COL12A1: variants seen among roughly 807,000 people sequenced by gnomAD.
COL12A1 encodes collagen type XII alpha 1 chain.
COL12A1 carries 114 observed loss-of-function variants against 349.7 expected under a neutral mutation model. That is an observed-to-expected ratio of 0.33 (90% CI 0.28 to 0.38). The LOEUF is 0.38. Ranked by LOEUF, COL12A1 falls within the 10% of genes least tolerant of loss-of-function variation. The pLI is 1.00. For missense variants in COL12A1, 3,284 were observed against 3,756.9 expected, an observed-to-expected ratio of 0.87 and a Z score of 3.29; for synonymous variants, 1,369 against 1,329.0, an observed-to-expected ratio of 1.03 and a Z score of -0.66.
chr6:75,141,286 A>G (rs1222511469), intron 27 of COL12A1, among the ~76,000 whole-genome samples: 1 of 152,198 alleles, frequency 6.6e-6, no homozygotes, highest in African/African-American at 2.4e-5. Context: ...CACAAAGTTG[A>G]GCAAAATGTC....
At chr6:75,125,679 G>A (rs946760631) in intron 39 of COL12A1, among the ~76,000 whole-genome samples, 14 of 152,002 alleles carry the variant, frequency 9.2e-5, no homozygotes, top group African/African-American at 3.4e-4. Flanking sequence ...TACTTTGGCT[G>A]CTAAACTCCT....
chr6:75,124,088 C>T lies in COL12A1; in HGVS notation c.6731G>A (p.Arg2244Lys), dbSNP rs2149373808. 6.2e-7 allele frequency: 1 copy of T among 1,612,630 alleles called. No individual in the cohort carries two copies. Among genetic ancestry groups the T allele is most frequent in the Non-Finnish European group, 8.5e-7 (1 of 1,179,000 alleles). The change falls in exon 42 of 66, where the codon AGG (arginine) becomes AAG (lysine). Residue 2244 changes from arginine to lysine, a missense_variant. Arg to Lys is a conservative substitution (Grantham distance 26). Coordinates refer to ENST00000322507, the MANE Select transcript of COL12A1 (RefSeq NM_004370.6). ...TCCACGCACTGTAATTTCTTGTCCCCTTGTTCCTGATTATGACAACAAAGG... is the reference window on the plus strand; with the variant it reads ...TCCACGCACTGTAATTTCTTGTCCCTTTGTTCCTGATTATGACAACAAAGG... ...RLKLSPADGT[R>K]GQEITVRGSE... is the part of the protein sequence containing the mutation.
In COL12A1 at chr6:75,121,333, C is replaced by G. The variant is rs1765716872; in HGVS notation, c.7055G>C (p.Gly2352Ala). ...VVKFIFNTVG[G>A]FDEISPAGIQ... ...CCCAGCAGGACTGATTTCATCAAAGCCTCCCACAGTATTGAAGATGAATTT... is the reference window on the plus strand; with the variant it reads ...CCCAGCAGGACTGATTTCATCAAAGGCTCCCACAGTATTGAAGATGAATTT... The change falls in exon 44 of 66, where the codon GGC becomes GCC. Residue 2352 changes from glycine to alanine, a missense_variant. Gly to Ala is a moderately conservative substitution (Grantham distance 60). This residue lies in a region of COL12A1 where 683 missense variants were observed against 932.1 expected (regional missense o/e 0.73). Transcript: ENST00000322507. 6.2e-7 allele frequency: 1 copy of G among 1,610,514 alleles called. No individual in the cohort carries two copies. The highest frequency in any genetic ancestry group is 1.1e-5 in the South Asian group (1 of 90,580).
In COL12A1 at chr6:75,087,720, G is replaced by A. The variant is rs376161354; in HGVS notation, c.9038C>T (p.Pro3013Leu). Residue 3013 changes from proline (P) to leucine (L), a missense_variant, in exon 65 of 66, where the codon CCA becomes CTA. Transcript: ENST00000322507. ...ACCTCTTGAACCTGTGGACCCTGGT[G>A]GACCTGTTCTGGATTCTCCTTGTGG... Reference protein sequence around the residue: ...PGPQGESRTGPPGSTGSRGPP... With the variant: ...PGPQGESRTGLPGSTGSRGPP... 92 of 1,607,040 alleles carry A rather than the reference G, an allele frequency of 5.7e-5. No individual in the cohort carries two copies. Among genetic ancestry groups the A allele is most frequent in the Non-Finnish European group, 7.6e-5 (89 of 1,178,048 alleles).
At chr6:75,134,670 G>T (rs570397926) in intron 32 of COL12A1, 56 bp downstream of exon 32, 5 of 1,432,134 alleles carry the variant, frequency 3.5e-6, no homozygotes, top group Non-Finnish European at 4.7e-6. Context: ...ATAAAGAGAT[G>T]ATTCCATTCT....
In COL12A1 at chr6:75,119,285, G is replaced by A. The variant is rs1041000280; in HGVS notation, c.7210+65C>T. 97 of 1,606,312 alleles carry A rather than the reference G, an allele frequency of 6.0e-5. No homozygotes were observed. The African/African-American group carries it at 1.2e-3, about 21-fold the overall frequency. On this transcript the variant is annotated intron_variant, in intron 45 of 65. Transcript: ENST00000322507. ...CTGATAAGAATCTGGATATCAGCAT[G>A]AGATAATACACTCAGTTCTGCCACT...
intron 12 of COL12A1, among the ~76,000 whole-genome samples, 163 bp downstream of exon 12, chr6:75,177,500 G>C (rs1471244311): frequency 1.3e-5 from 2 of 151,804 alleles, no homozygotes; most frequent in African/African-American, 4.8e-5. Context: ...TCATGATTAA[G>C]TAAAAAAAAA....
chr6:75,201,244 A>G (rs1032841578), intron 2 of COL12A1, among the ~76,000 whole-genome samples: 1 of 152,230 alleles, frequency 6.6e-6, no homozygotes, highest in Non-Finnish European at 1.5e-5. Context: ...AAGTTCCTCA[A>G]ATAAAATTCC....
intron 26 of COL12A1, among the ~76,000 whole-genome samples, chr6:75,142,722 G>T (rs1011383903): frequency 3.5e-4 from 53 of 152,218 alleles, no homozygotes; most frequent in Middle Eastern, 6.8e-3. Context: ...AGTTTTGCTG[G>T]TTCATGAAGC....
chr6:75,176,230 G>T (rs1768936251), intron 12 of COL12A1, among the ~76,000 whole-genome samples: 1 of 152,164 alleles, frequency 6.6e-6, no homozygotes, highest in Non-Finnish European at 1.5e-5. Flanking sequence ...GAAGAGAGAT[G>T]CAGTGGGAGG....
chr6:75,170,907 C>A (rs3777505), intron 13 of COL12A1, among the ~76,000 whole-genome samples: 13,186 of 152,208 alleles, frequency 0.087, 989 homozygotes, highest in East Asian at 0.22. Flanking sequence ...CATTCATATC[C>A]AGGACATTAG....
At chr6:75,198,166 C>T (rs1163652839) in intron 2 of COL12A1, among the ~76,000 whole-genome samples, 1 of 152,108 alleles carries the variant, frequency 6.6e-6, no homozygotes, top group African/African-American at 2.4e-5. Flanking sequence ...ATATTTCCAT[C>T]AAAAATTAAC....
intron 43 of COL12A1, among the ~76,000 whole-genome samples, chr6:75,122,092 C>T (rs370698883): frequency 5.9e-5 from 9 of 152,200 alleles, no homozygotes; most frequent in African/African-American, 2.2e-4. Context: ...CCACCTGTCC[C>T]GGCCTCCCAA....
chr6:75,111,313 A>G (rs1768829931), intron 51 of COL12A1, among the ~76,000 whole-genome samples: 1 of 151,866 alleles, frequency 6.6e-6, no homozygotes, highest in Admixed American at 6.6e-5. Flanking sequence ...TTGTGAGGAG[A>G]AAAAATAGGC....
intron 47 of COL12A1, among the ~76,000 whole-genome samples, chr6:75,117,040 C>A (rs1376454220): frequency 6.6e-6 from 1 of 152,122 alleles, no homozygotes. Flanking sequence ...CAATTGATTA[C>A]TAATGGGGAA....
intron 59 of COL12A1, among the ~76,000 whole-genome samples, chr6:75,095,544 G>A (rs1767967674): frequency 6.8e-6 from 1 of 147,992 alleles, no homozygotes. Flanking sequence ...GTGAACCCAG[G>A]AAGCGGAGCT....
At chr6:75,175,806 A>T (rs1414042744) in intron 12 of COL12A1, among the ~76,000 whole-genome samples, 1 of 152,218 alleles carries the variant, frequency 6.6e-6, no homozygotes, top group Non-Finnish European at 1.5e-5. Flanking sequence ...AGGGGGAAAA[A>T]AAGTAAGAGA....
intron 31 of COL12A1, among the ~76,000 whole-genome samples, chr6:75,135,964 T>G (rs1023169892): frequency 6.6e-6 from 1 of 152,178 alleles, no homozygotes; most frequent in Non-Finnish European, 1.5e-5. Flanking sequence ...GCATCAGTTA[T>G]TCATCATTTT....
At chr6:75,118,995 T>G in intron 46 of COL12A1, 48 bp downstream of exon 46, 1 of 1,610,242 alleles carries the variant, frequency 6.2e-7, no homozygotes, top group Non-Finnish European at 8.5e-7. Context: ...TGTGAACATT[T>G]AAAAATGTTA....
Sources: allele counts gnomAD v4.1 joint callset (sites outside exome capture counted in the v4.1 genomes callset), GRCh38; gene constraint gnomAD v4.1.1; regional missense constraint gnomAD v4.1.1; transcripts MANE v1.5; gene names NCBI Gene and HGNC (gene_info 2026-07-23, HGNC 2026-07-21).